Variants in DRAM1 observed in about 807,000 individuals in gnomAD.
The protein encoded by DRAM1 is DNA damage regulated autophagy modulator 1.
A neutral mutation model predicts 28.5 loss-of-function variants in DRAM1; 25 were observed. That is an observed-to-expected ratio of 0.88 (90% CI 0.64 to 1.23). The LOEUF is 1.23. DRAM1 is among the 50% of genes most tolerant of loss of function. DRAM1 has a pLI of 0.00. For missense variants in DRAM1, 249 were observed against 299.2 expected (o/e 0.83, Z 1.24); for synonymous variants, 113 against 114.2 (o/e 0.99, Z 0.07).
chr12:101,884,561 C>T (rs78400917), intron 1 of DRAM1, among the ~76,000 whole-genome samples: 1,904 of 152,204 alleles, frequency 0.013, 38 homozygotes, highest in African/African-American at 0.044. Context: ...TGATCCTTTA[C>T]TCTTCAGTGT....
chr12:101,913,666 A>C (rs1184358784), intron 4 of DRAM1, among the ~76,000 whole-genome samples: 6 of 143,554 alleles, frequency 4.2e-5, no homozygotes, highest in Non-Finnish European at 9.0e-5. Flanking sequence ...AGATCGCGCC[A>C]TTGCACTCCA....
At position 101,885,817 on chromosome 12, in the gene DRAM1, C is replaced by T. The variant is rs188661290; in HGVS notation, c.131+7897C>T. ...TGCTGGGATTACAGGTGTGAGCCACCGCGTCCGGCCTCCCAGTGGCCATTC... is the reference window on the plus strand; with the variant it reads ...TGCTGGGATTACAGGTGTGAGCCACTGCGTCCGGCCTCCCAGTGGCCATTC... On this transcript the variant is annotated intron_variant, in intron 1 of 6. Coordinates refer to ENST00000258534, the MANE Select transcript of DRAM1 (RefSeq NM_018370.3). Among the ~76,000 whole-genome samples the T allele has an allele frequency of 4.3e-3, 654 of 152,134 alleles. 5 individuals are homozygous for T. Among genetic ancestry groups the T allele is most frequent in the African/African-American group, 0.014 (572 of 41,526 alleles).
rs192259692 is a variant in DRAM1, at chr12:101,894,760, A to G, written c.132-3103A>G. On this transcript the variant is annotated intron_variant, in intron 1 of 6. Transcript: ENST00000258534. ...AGCACCTTCATATCGCCACCTCCCT[A>G]TCTTCCTAAATATCCTCCTCATTCT... Among the ~76,000 whole-genome samples the G allele has an allele frequency of 1.9e-4, 29 of 152,160 alleles. No homozygotes were observed. In the East Asian group the frequency reaches 4.8e-3, roughly 25 times the overall value.
intron 1 of DRAM1, among the ~76,000 whole-genome samples, chr12:101,880,713 T>A (rs1234151141): frequency 6.6e-6 from 1 of 152,156 alleles, no homozygotes; most frequent in African/African-American, 2.4e-5. Context: ...CATAGAGGTG[T>A]CTGATGTAGT....
At chr12:101,897,697 G>A (rs1041348612) in intron 1 of DRAM1, among the ~76,000 whole-genome samples, 166 bp from the exon 2 acceptor site, 2 of 152,008 alleles carry the variant, frequency 1.3e-5, no homozygotes, top group African/African-American at 4.8e-5. Flanking sequence ...AGATTTTTCA[G>A]AGCCAAAATG....
rs191349391 is a variant in DRAM1 at position 101,879,182 on chromosome 12, G to C, written c.131+1262G>C. ...GCTTAATTTTTTTGTATTTTTAGTAGAGACAGGGTTTCACTATGTTGGTCA... is the reference window on the plus strand; with the variant it reads ...GCTTAATTTTTTTGTATTTTTAGTACAGACAGGGTTTCACTATGTTGGTCA... On this transcript the variant is annotated intron_variant, in intron 1 of 6. Coordinates refer to ENST00000258534, the MANE Select transcript of DRAM1 (RefSeq NM_018370.3). Among the ~76,000 whole-genome samples, 393 of 152,142 alleles carry C rather than the reference G, an allele frequency of 2.6e-3. 3 individuals are homozygous for C. Among genetic ancestry groups the C allele is most frequent in the African/African-American group, 9.3e-3 (385 of 41,498 alleles).
At chr12:101,908,497 T>A in intron 4 of DRAM1, 134 bp downstream of exon 4, 1 of 880,650 alleles carries the variant, frequency 1.1e-6, no homozygotes, top group Non-Finnish European at 1.7e-6. Context: ...TGGGCTCAAC[T>A]CTGAATACAG....
intron 3 of DRAM1, 46 bp from the exon 4 acceptor site, chr12:101,908,140 T>G (rs1228606693): frequency 1.4e-5 from 21 of 1,543,618 alleles, no homozygotes; most frequent in Middle Eastern, 2.2e-4. Flanking sequence ...GGTTCGATGT[T>G]GACAAACCCA....
intron 1 of DRAM1, among the ~76,000 whole-genome samples, chr12:101,879,752 T>A (rs893130787): frequency 6.6e-6 from 1 of 152,106 alleles, no homozygotes; most frequent in Non-Finnish European, 1.5e-5. Flanking sequence ...TCCCAGCACT[T>A]TGGGAGGCCG....
chr12:101,917,841 T>C (rs1184913098), intron 5 of DRAM1, among the ~76,000 whole-genome samples: 1 of 152,224 alleles, frequency 6.6e-6, no homozygotes, highest in African/African-American at 2.4e-5. Flanking sequence ...AGTTCCTCTT[T>C]CCGTTGGAGA....
chr12:101,877,723 C>A lies in DRAM1; in HGVS notation c.-67C>A, dbSNP rs1374424924. 7.9e-6 allele frequency: 10 copies of A among 1,261,396 alleles called. No individual in the cohort carries two copies. Among genetic ancestry groups the A allele is most frequent in the South Asian group, 5.1e-5 (2 of 39,246 alleles). 78.1% of individuals were successfully genotyped at this position (1,261,396 alleles called of 1,614,324 possible). Reference sequence around the variant, plus strand: ...TACGCGCCCGGCCGCCGCCTCCAGGCAGCCCGGAGCAACCCGGCGCCCGGC... The same window carrying A: ...TACGCGCCCGGCCGCCGCCTCCAGGAAGCCCGGAGCAACCCGGCGCCCGGC... On this transcript the variant is annotated 5_prime_UTR_variant, in exon 1 of 7. Transcript: ENST00000258534. This position sits in a 1 kb window ranked among gnomAD's most constrained non-coding sequence, Gnocchi z 4.1.
At chr12:101,904,468 G>A (rs55774922) in intron 3 of DRAM1, among the ~76,000 whole-genome samples, 7 of 78,996 alleles carry the variant, frequency 8.9e-5, no homozygotes, top group Non-Finnish European at 1.2e-4. Flanking sequence ...TTGAGACAGA[G>A]TCTTGCTCTG....
At position 101,877,964 on chromosome 12, in the gene DRAM1, G is replaced by A; in HGVS notation, c.131+44G>A. ...GTCAGGGCCCCAGGAGCAGGCACAGGGACCACAGGGAGCGCTGCCGACGGG... is the reference window on the plus strand; with the variant it reads ...GTCAGGGCCCCAGGAGCAGGCACAGAGACCACAGGGAGCGCTGCCGACGGG... On this transcript the variant is annotated intron_variant, in intron 1 of 6. Coordinates refer to ENST00000258534, the MANE Select transcript of DRAM1 (RefSeq NM_018370.3). This position sits in a 1 kb window ranked among gnomAD's most constrained non-coding sequence, Gnocchi z 4.1. The A allele has an allele frequency of 1.4e-6, 2 of 1,421,068 alleles. No individual in the cohort carries two copies. Among genetic ancestry groups the A allele is most frequent in the Non-Finnish European group, 9.3e-7 (1 of 1,072,940 alleles). The allele number at this position is 1,421,068 out of a possible 1,614,324, so 88.0% of individuals were successfully genotyped here.
At chr12:101,913,769 C>A (rs1874130766) in intron 4 of DRAM1, among the ~76,000 whole-genome samples, 1 of 145,784 alleles carries the variant, frequency 6.9e-6, no homozygotes, top group Non-Finnish European at 1.5e-5. Context: ...TATTTTTATT[C>A]AGTGGGAAGT....
intron 5 of DRAM1, 78 bp downstream of exon 5, chr12:101,914,310 T>A (rs1874151629): frequency 1.9e-6 from 2 of 1,065,116 alleles, no homozygotes; most frequent in East Asian, 2.5e-5. Context: ...ATAGGGAAGA[T>A]CACTGCCGTT....
chr12:101,911,790 AT>A (rs1223993649), intron 4 of DRAM1, among the ~76,000 whole-genome samples: 1 of 152,198 alleles, frequency 6.6e-6, no homozygotes, highest in Non-Finnish European at 1.5e-5. Context: ...CAGCAATATT[AT>A]TTGATATATT....
In DRAM1 at chr12:101,921,957, A is replaced by G. The variant is rs990478187; in HGVS notation, c.*697A>G. On this transcript the variant is annotated 3_prime_UTR_variant, in exon 7 of 7. Transcript: ENST00000258534. ...GTCGCACCTTTTGCTCTTGCTGCTA[A>G]TTGCCCATTCGTAGTGGGTGTAATG... 15 of 152,202 alleles carry G rather than the reference A, an allele frequency of 9.9e-5. No homozygotes were observed. The highest frequency in any genetic ancestry group is 3.1e-4 in the African/African-American group (13 of 41,446). The allele number at this position is 152,202 out of a possible 1,614,324, so 9.4% of individuals were successfully genotyped here.
rs189571222 is a variant in DRAM1, at chr12:101,895,238, C to T, written c.132-2625C>T. ...TTTTACCCAGGCTGGAGTGCAGTGG[C>T]GTGATCTCAGCTCACTGCAAACTCT... On this transcript the variant is annotated intron_variant, in intron 1 of 6. Transcript: ENST00000258534. Among the ~76,000 whole-genome samples the T allele has an allele frequency of 5.8e-3, 638 of 110,264 alleles. 3 individuals are homozygous for T. In the Middle Eastern group the frequency reaches 0.067, roughly 12 times the overall value. The allele number at this position is 110,264 out of a possible 152,430, so 72.3% of individuals were successfully genotyped here. A position where few individuals can be genotyped will look rare whatever the true frequency, so the allele number is the denominator to read the frequency against.
At chr12:101,914,990 T>G (rs1184009547) in intron 5 of DRAM1, among the ~76,000 whole-genome samples, 1 of 150,034 alleles carries the variant, frequency 6.7e-6, no homozygotes, top group African/African-American at 2.5e-5. Flanking sequence ...CTTTCTTTTT[T>G]TTTTTTTGAG....
Sources: allele counts gnomAD v4.1 joint callset (sites outside exome capture counted in the v4.1 genomes callset), GRCh38; gene constraint gnomAD v4.1.1; non-coding constraint Gnocchi (gnomAD v3.1); transcripts MANE v1.5; gene names NCBI Gene and HGNC (gene_info 2026-07-23, HGNC 2026-07-21).